The following FAT4 variants were observed in gnomAD, a reference collection of about 807,000 sequenced individuals.
FAT4 encodes FAT atypical cadherin 4.
A neutral mutation model predicts 303.9 loss-of-function variants in FAT4; 84 were observed. The ratio of observed to expected loss-of-function variants is 0.28; its 90% confidence interval spans 0.23 to 0.33. FAT4 has a LOEUF of 0.33. Ranked by LOEUF, FAT4 falls within the 10% of genes least tolerant of loss-of-function variation. The pLI, the probability that FAT4 is intolerant of heterozygous loss-of-function variation, is 1.00. For missense variants in FAT4, 6,005 were observed against 6,146.8 expected, an observed-to-expected ratio of 0.98 and a Z score of 0.77; for synonymous variants, 2,307 against 2,298.8, an observed-to-expected ratio of 1.00 and a Z score of -0.10.
rs1727616249 is a variant in FAT4 at position 125,491,024 on chromosome 4, T to C, written c.14208T>C (p.His4736=). Reference sequence around the variant, plus strand: ...GGGATGGTAATACTTTGGAAATGCATGGTGACACCTGCCAACCTGGCATTT... The same window carrying C: ...GGGATGGTAATACTTTGGAAATGCACGGTGACACCTGCCAACCTGGCATTT... The part of the protein sequence containing the change: ...PIRDGNTLEM[H]GDTCQPGIFN... Residue 4736 remains histidine, a synonymous_variant, in exon 18 of 18, where the codon CAT becomes CAC. Coordinates refer to ENST00000394329, the MANE Select transcript of FAT4 (RefSeq NM_001291303.3). 2.5e-6 allele frequency: 4 copies of C among 1,614,200 alleles called. No homozygotes were observed. The highest frequency in any genetic ancestry group is 2.5e-6 in the Non-Finnish European group (3 of 1,180,036).
At chr4:125,445,488 A>C (rs941964406) in intron 8 of FAT4, among the ~76,000 whole-genome samples, 12 of 152,120 alleles carry the variant, frequency 7.9e-5, no homozygotes, top group Non-Finnish European at 1.6e-4. Flanking sequence ...TTTCCATGCT[A>C]TCTTTCAACT....
At chr4:125,464,251 A>C (rs1726579585) in intron 11 of FAT4, among the ~76,000 whole-genome samples, 1 of 152,162 alleles carries the variant, frequency 6.6e-6, no homozygotes, top group South Asian at 2.1e-4. Flanking sequence ...AAAAATTGTT[A>C]AAAAGAACTT....
chr4:125,418,898 A>G (rs1735173617), intron 7 of FAT4, among the ~76,000 whole-genome samples: 1 of 3,202 alleles, frequency 3.1e-4, no homozygotes, highest in African/African-American at 4.3e-4. Context: ...TCATATGTGC[A>G]ATAAATAAAA....
intron 8 of FAT4, among the ~76,000 whole-genome samples, chr4:125,441,276 T>C (rs1280971733): frequency 7.9e-5 from 12 of 152,174 alleles, no homozygotes; most frequent in Non-Finnish European, 1.5e-5. Context: ...GTGGAAAGAA[T>C]AGTATGGCCA....
chr4:125,427,979 A>G (rs1159269914), intron 7 of FAT4, among the ~76,000 whole-genome samples: 1 of 152,100 alleles, frequency 6.6e-6, no homozygotes, highest in African/African-American at 2.4e-5. Flanking sequence ...CAGTGACCTG[A>G]AACTTTTTTC....
Position 125,318,842 on chromosome 4 carries a change from C to A in FAT4, c.2431C>A (p.His811Asn). Reference protein sequence around the residue: ...VVFENVALGYHVGSVSASTMD... With the variant: ...VVFENVALGYNVGSVSASTMD... The stretch of plus-strand genomic sequence containing the variant: ...TTTTGAGAACGTGGCGCTGGGATAT[C>A]ATGTGGGTAGTGTGTCTGCATCCAC... Residue 811 changes from histidine (H) to asparagine (N), a missense_variant, in exon 2 of 18, where the codon CAT becomes AAT. His to Asn is a moderately conservative substitution (Grantham distance 68). Coordinates refer to ENST00000394329, the MANE Select transcript of FAT4 (RefSeq NM_001291303.3). The A allele has an allele frequency of 6.2e-7, 1 of 1,614,098 alleles. No individual in the cohort carries two copies. Among genetic ancestry groups the A allele is most frequent in the Admixed American group, 1.7e-5 (1 of 60,018 alleles).
chr4:125,405,465 G>C (rs1734558724), intron 3 of FAT4, among the ~76,000 whole-genome samples: 1 of 151,216 alleles, frequency 6.6e-6, no homozygotes, highest in Admixed American at 6.6e-5. Context: ...GTTTTGATTT[G>C]CATTTCCCTG....
At chr4:125,364,793 G>A (rs926083497) in intron 2 of FAT4, among the ~76,000 whole-genome samples, 1 of 152,036 alleles carries the variant, frequency 6.6e-6, no homozygotes, top group Non-Finnish European at 1.5e-5. Context: ...AGAGTGAAGA[G>A]CACCCAAAGT....
chr4:125,411,646 T>C (rs1451374042), intron 5 of FAT4, among the ~76,000 whole-genome samples: 1 of 151,124 alleles, frequency 6.6e-6, no homozygotes, highest in Non-Finnish European at 1.5e-5. Flanking sequence ...AATTAGAAGA[T>C]AACATTTATA....
intron 2 of FAT4, among the ~76,000 whole-genome samples, chr4:125,339,122 G>A (rs1731677807): frequency 1.3e-5 from 2 of 152,010 alleles, no homozygotes; most frequent in African/African-American, 2.4e-5. Flanking sequence ...TTTACATCCT[G>A]GTCAGGAAAT....
At position 125,451,372 on chromosome 4, in the gene FAT4, C is replaced by A; in HGVS notation, c.10362C>A (p.Ala3454=). 2 of 1,614,100 alleles carry A rather than the reference C, an allele frequency of 1.2e-6. No homozygotes were observed. Among genetic ancestry groups the A allele is most frequent in the Non-Finnish European group, 8.5e-7 (1 of 1,180,016 alleles). ...TCGGATCAGGGAATGAAAATGGTGC[C>A]TTTTCTATTAATCCGCAGACAGGAC... The part of the protein sequence containing the change: ...YFIGSGNENG[A]FSINPQTGQI... The change falls in exon 10 of 18, where the codon GCC becomes GCA. Residue 3454 remains alanine, a synonymous_variant. Transcript: ENST00000394329.
intron 14 of FAT4, 90 bp downstream of exon 14, chr4:125,477,424 C>A: frequency 2.7e-6 from 3 of 1,129,836 alleles, no homozygotes; most frequent in Non-Finnish European, 3.7e-6. Context: ...TTATTATGCT[C>A]AAATCTCTAA....
intron 2 of FAT4, among the ~76,000 whole-genome samples, chr4:125,366,739 C>T (rs1478188682): frequency 1.3e-5 from 2 of 152,040 alleles, no homozygotes; most frequent in African/African-American, 2.4e-5. Context: ...GTTATTTTTT[C>T]TCTGAAAGCT....
chr4:125,477,223 G>A lies in FAT4; in HGVS notation c.12368G>A (p.Arg4123Lys). 1 of 1,542,868 alleles carries A rather than the reference G, an allele frequency of 6.5e-7. No homozygotes were observed. The highest frequency in any genetic ancestry group is 8.8e-7 in the Non-Finnish European group (1 of 1,140,800). ...AGATCTCTAGAACCAATCCTTCAGA[G>A]AAGAGGACACGTGGAAAGCCATGAT... ...GIRSLEPILQRRGHVESHDFV... is the reference protein window; with the variant it reads ...GIRSLEPILQKRGHVESHDFV... The change falls in exon 14 of 18, where the codon AGA becomes AAA. Residue 4123 changes from arginine (R) to lysine (K), a missense_variant. Arg to Lys is a conservative substitution (Grantham distance 26). Transcript: ENST00000394329.
chr4:125,438,874 T>C (rs1445769179), intron 8 of FAT4, among the ~76,000 whole-genome samples: 1 of 152,150 alleles, frequency 6.6e-6, no homozygotes, highest in East Asian at 1.9e-4. Context: ...TATCTCCCAT[T>C]TAAATTTTAC....
chr4:125,481,480 A>G (rs771271104), intron 15 of FAT4, 41 bp from the exon 16 acceptor site: 9 of 1,567,846 alleles, frequency 5.7e-6, no homozygotes, highest in Non-Finnish European at 4.4e-6. Context: ...AGAAATGCCA[A>G]ATGAATGCAT....
At position 125,451,835 on chromosome 4, in the gene FAT4, C is replaced by A. The variant is rs1191447362; in HGVS notation, c.10825C>A (p.Gln3609Lys). The A allele has an allele frequency of 6.2e-7, 1 of 1,613,944 alleles. No homozygotes were observed. ...AACTGTGCATATCACAGTTATAGAC[C>A]AAAATGACAATCCTTCACAGTCTCG... Reference protein sequence around the residue: ...TGTVHITVIDQNDNPSQSRTV... With the variant: ...TGTVHITVIDKNDNPSQSRTV... The change falls in exon 10 of 18, where the codon CAA becomes AAA. Residue 3609 changes from glutamine (Q) to lysine (K), a missense_variant. Transcript: ENST00000394329.
chr4:125,325,869 C>T (rs1278891370), intron 2 of FAT4, among the ~76,000 whole-genome samples: 2 of 152,146 alleles, frequency 1.3e-5, no homozygotes, highest in Admixed American at 1.3e-4. Flanking sequence ...ACCAGTTTTA[C>T]CCACCATTGC....
At chr4:125,446,626 C>T (rs1725838836) in intron 9 of FAT4, 83 bp downstream of exon 9, 1 of 1,314,840 alleles carries the variant, frequency 7.6e-7, no homozygotes, top group East Asian at 2.5e-5. Context: ...TGATATTTTA[C>T]ATACATATTT....
Sources: allele counts gnomAD v4.1 joint callset (sites outside exome capture counted in the v4.1 genomes callset), GRCh38; gene constraint gnomAD v4.1.1; transcripts MANE v1.5; gene names NCBI Gene and HGNC (gene_info 2026-07-23, HGNC 2026-07-21).